SH3RF3: variants seen among roughly 807,000 people sequenced by gnomAD.
SH3RF3 encodes the protein SH3 domain containing ring finger 3, also known as E3 ubiquitin-protein ligase SH3RF3.
A neutral mutation model predicts 66.3 loss-of-function variants in SH3RF3; 29 were observed. That is an observed-to-expected ratio of 0.44 (90% confidence interval 0.33 to 0.60). The LOEUF is 0.60. Ranked by LOEUF, SH3RF3 falls within the 20% of genes least tolerant of loss-of-function variation. The pLI is 0.04. For missense variants in SH3RF3, 1,194 were observed against 1,190.9 expected, an observed-to-expected ratio of 1.00 and a Z score of -0.04; for synonymous variants, 583 against 532.0, an observed-to-expected ratio of 1.10 and a Z score of -1.32.
At chr2:109,164,292 C>T (rs536587427) in intron 1 of SH3RF3, among the ~76,000 whole-genome samples, 6 of 152,304 alleles carry the variant, frequency 3.9e-5, no homozygotes, top group African/African-American at 1.4e-4. Context: ...AAGTGATCCT[C>T]CCACCTCAGC....
In SH3RF3 at chr2:109,326,499, C is replaced by T. The variant is rs116474722; in HGVS notation, c.574-21175C>T. Among the ~76,000 whole-genome samples the T allele has an allele frequency of 9.5e-4, 144 of 152,236 alleles. 1 individual carries two copies. The highest frequency in any genetic ancestry group is 3.4e-3 in the African/African-American group (140 of 41,542). On this transcript the variant is annotated intron_variant, in intron 1 of 9. Coordinates refer to ENST00000309415, the MANE Select transcript of SH3RF3 (RefSeq NM_001099289.3). ...GAGACGTTTCCTTCTGCGCCCTTGC[C>T]GACACTTGCTGTTGCCAGACTTTTA...
At chr2:109,288,421 A>C (rs542932296) in intron 1 of SH3RF3, among the ~76,000 whole-genome samples, 1 of 152,342 alleles carries the variant, frequency 6.6e-6, no homozygotes, top group South Asian at 2.1e-4. Flanking sequence ...GAATGTGGAT[A>C]TGCCAGCTTT....
chr2:109,152,349 A>C (rs1007370497), intron 1 of SH3RF3, among the ~76,000 whole-genome samples: 2 of 152,182 alleles, frequency 1.3e-5, no homozygotes, highest in South Asian at 2.1e-4. Context: ...TCCCTGGTGC[A>C]TTTGGCAAAT....
intron 1 of SH3RF3, among the ~76,000 whole-genome samples, chr2:109,266,298 A>ATGTGTTGTG (rs1268672673): frequency 2.0e-5 from 3 of 147,186 alleles, no homozygotes; most frequent in African/African-American, 7.9e-5. Context: ...TGTTGTGTGT[A>ATGTGTTGTG]TGTGTTGTGT....
At chr2:109,450,715 C>A (rs770503716) in intron 8 of SH3RF3, among the ~76,000 whole-genome samples, 1 of 152,104 alleles carries the variant, frequency 6.6e-6, no homozygotes, top group Non-Finnish European at 1.5e-5. Context: ...ATAAGCAATT[C>A]TCCAGGGCTC....
At chr2:109,400,568 C>G (rs1676283894) in intron 4 of SH3RF3, among the ~76,000 whole-genome samples, 1 of 137,996 alleles carries the variant, frequency 7.2e-6, no homozygotes, top group Non-Finnish European at 1.6e-5. Context: ...CACATACACA[C>G]CTGTGCGCAC....
intron 9 of SH3RF3, among the ~76,000 whole-genome samples, chr2:109,494,755 A>T (rs1000001447): frequency 6.6e-6 from 1 of 152,026 alleles, no homozygotes; most frequent in African/African-American, 2.4e-5. Flanking sequence ...CCAAAATGCC[A>T]AGGAGGAATG....
chr2:109,258,338 G>A (rs1453813068), intron 1 of SH3RF3, among the ~76,000 whole-genome samples: 1 of 152,182 alleles, frequency 6.6e-6, no homozygotes. Context: ...ATTCTAAAGA[G>A]CGAGAAACTG....
At chr2:109,483,263 C>A (rs1678881479) in intron 8 of SH3RF3, among the ~76,000 whole-genome samples, 2 of 152,222 alleles carry the variant, frequency 1.3e-5, no homozygotes, top group African/African-American at 4.8e-5. Flanking sequence ...AACTTGCAAC[C>A]CGAGAGCCAG....
intron 1 of SH3RF3, among the ~76,000 whole-genome samples, chr2:109,200,078 C>T (rs910670901): frequency 2.0e-4 from 30 of 152,100 alleles, no homozygotes; most frequent in African/African-American, 6.5e-4. Flanking sequence ...GGTAAGAAAC[C>T]AGCATTTTCC....
chr2:109,158,561 A>C (rs950985545), intron 1 of SH3RF3, among the ~76,000 whole-genome samples: 34 of 152,142 alleles, frequency 2.2e-4, no homozygotes, highest in Non-Finnish European at 5.9e-5. Context: ...GGGCTGTCTG[A>C]CTTGCAGACA....
At chr2:109,212,496 C>T (rs952071875) in intron 1 of SH3RF3, among the ~76,000 whole-genome samples, 9 of 152,268 alleles carry the variant, frequency 5.9e-5, no homozygotes, top group African/African-American at 2.2e-4. Flanking sequence ...TGAGGCTTTC[C>T]GACAGCTCCA....
chr2:109,218,281 G>A (rs1038459983), intron 1 of SH3RF3, among the ~76,000 whole-genome samples: 3 of 152,130 alleles, frequency 2.0e-5, no homozygotes, highest in Non-Finnish European at 4.4e-5. Flanking sequence ...AAACTTTCTT[G>A]GCTCTCTTGC....
chr2:109,154,280 A>G (rs1171580218), intron 1 of SH3RF3, among the ~76,000 whole-genome samples: 1 of 152,084 alleles, frequency 6.6e-6, no homozygotes, highest in African/African-American at 2.4e-5. Flanking sequence ...TGGGAAATGG[A>G]GGGACCAAGG....
intron 1 of SH3RF3, among the ~76,000 whole-genome samples, chr2:109,227,802 C>A (rs1480283987): frequency 6.6e-6 from 1 of 152,244 alleles, no homozygotes; most frequent in African/African-American, 2.4e-5. Context: ...GGAGTCAACA[C>A]TTCCTTTCCC....
chr2:109,464,967 T>A (rs1215117794), intron 8 of SH3RF3, among the ~76,000 whole-genome samples: 2 of 152,248 alleles, frequency 1.3e-5, no homozygotes, highest in Non-Finnish European at 2.9e-5. Flanking sequence ...GTGCTCTGCC[T>A]GTTGATCACT....
At chr2:109,311,520 G>A (rs1681722936) in intron 1 of SH3RF3, among the ~76,000 whole-genome samples, 3 of 151,450 alleles carry the variant, frequency 2.0e-5, no homozygotes, top group Non-Finnish European at 2.9e-5. Context: ...AGGAAATAAA[G>A]GGTATTCAAT....
At chr2:109,317,300 G>A (rs532333007) in intron 1 of SH3RF3, among the ~76,000 whole-genome samples, 35 of 152,166 alleles carry the variant, frequency 2.3e-4, no homozygotes, top group Non-Finnish European at 4.4e-4. Context: ...GTGACAGGGC[G>A]ACAGCAATGC....
chr2:109,249,873 A>C (rs1252990727), intron 1 of SH3RF3, among the ~76,000 whole-genome samples: 1 of 150,436 alleles, frequency 6.6e-6, no homozygotes, highest in Non-Finnish European at 1.5e-5. Context: ...TTTAGTAGAG[A>C]CGGGGTTTCA....
Sources: gnomAD v4.1 joint callset for allele counts (sites outside exome capture counted in the v4.1 genomes callset) on GRCh38, gnomAD v4.1.1 for gene constraint, MANE v1.5 for transcripts, NCBI Gene and HGNC (gene_info 2026-07-23, HGNC 2026-07-21) for gene names.